The following PTPRD variants were observed in gnomAD, a reference collection of about 807,000 sequenced individuals.
The protein encoded by PTPRD is receptor-type tyrosine-protein phosphatase delta.
A neutral mutation model predicts 214.5 loss-of-function variants in PTPRD; 34 were observed. The ratio of observed to expected loss-of-function variants is 0.16; its 90% CI spans 0.12 to 0.21. The LOEUF is 0.21. Among genes scored for constraint, PTPRD ranks in the 10% least tolerant of loss-of-function variants. PTPRD has a pLI of 1.00. For synonymous variants in PTPRD, 1,128 were observed against 845.7 expected (o/e 1.33, Z -5.79); for missense variants, 2,545 against 2,398.7 (o/e 1.06, Z -1.27).
At chr9:9,556,560 T>C (rs1173911618) in intron 8 of PTPRD, among the ~76,000 whole-genome samples, 3 of 152,226 alleles carry the variant, frequency 2.0e-5, no homozygotes, top group African/African-American at 7.2e-5. Flanking sequence ...CCCCCAATTT[T>C]CTTGCCTGGT....
intron 7 of PTPRD, among the ~76,000 whole-genome samples, chr9:9,656,502 G>C (rs150096486): frequency 6.6e-6 from 1 of 152,002 alleles, no homozygotes; most frequent in Admixed American, 6.6e-5. Flanking sequence ...GAAAGAAGCT[G>C]ATCTTAAAGG....
intron 7 of PTPRD, among the ~76,000 whole-genome samples, chr9:9,594,889 AAAAC>A (rs771701512): frequency 4.5e-4 from 69 of 152,228 alleles, no homozygotes; most frequent in Middle Eastern, 3.4e-3. Context: ...TCAGCAAGAA[AAAAC>A]AAACAAACAA....
chr9:9,655,006 GAT>G (rs1313368217), intron 7 of PTPRD, among the ~76,000 whole-genome samples: 4 of 112,908 alleles, frequency 3.5e-5, no homozygotes, highest in Non-Finnish European at 7.2e-5. Context: ...TATATATATA[GAT>G]ATAGATATAT....
At chr9:10,336,420 G>T (rs2096844822) in intron 3 of PTPRD, among the ~76,000 whole-genome samples, 1 of 151,390 alleles carries the variant, frequency 6.6e-6, no homozygotes, top group South Asian at 2.1e-4. Flanking sequence ...GTTTTTTGTG[G>T]GCCAGAAAAT....
At chr9:8,967,871 T>C (rs956862975) in intron 11 of PTPRD, among the ~76,000 whole-genome samples, 4 of 152,068 alleles carry the variant, frequency 2.6e-5, no homozygotes, top group African/African-American at 4.8e-5. Context: ...TCATTTAGCA[T>C]TAGGTATATC....
chr9:8,698,802 G>A (rs1183878751), intron 12 of PTPRD, among the ~76,000 whole-genome samples: 1 of 152,096 alleles, frequency 6.6e-6, no homozygotes, highest in Non-Finnish European at 1.5e-5. Context: ...TGGGGATAAC[G>A]CATAGCAATC....
At chr9:10,229,146 A>T (rs1226801493) in intron 3 of PTPRD, among the ~76,000 whole-genome samples, 3 of 152,078 alleles carry the variant, frequency 2.0e-5, no homozygotes, top group Admixed American at 1.3e-4. Flanking sequence ...TCAAAACCAC[A>T]ATGAGATACT....
chr9:8,654,247 C>T (rs566036426), intron 12 of PTPRD, among the ~76,000 whole-genome samples: 2 of 152,302 alleles, frequency 1.3e-5, no homozygotes, highest in South Asian at 4.1e-4. Context: ...ACATAGTCAA[C>T]TACCCCCTAC....
intron 5 of PTPRD, among the ~76,000 whole-genome samples, chr9:9,933,135 A>G (rs1391893531): frequency 2.0e-5 from 3 of 152,228 alleles, no homozygotes; most frequent in Admixed American, 6.5e-5. Flanking sequence ...GCCAAAATGT[A>G]AAGACCATCG....
At chr9:9,486,637 T>G (rs1057165344) in intron 8 of PTPRD, among the ~76,000 whole-genome samples, 4 of 152,142 alleles carry the variant, frequency 2.6e-5, no homozygotes, top group African/African-American at 7.2e-5. Flanking sequence ...CAAACCATAT[T>G]CCGTCTACAA....
intron 14 of PTPRD, 134 bp from the exon 15 acceptor site, chr9:8,528,913 T>C (rs2074949088): frequency 5.1e-6 from 4 of 778,418 alleles, no homozygotes; most frequent in Non-Finnish European, 6.1e-6. Flanking sequence ...ACTAATAAAT[T>C]AGAACACAGT....
At chr9:8,977,025 A>G (rs571731496) in intron 11 of PTPRD, among the ~76,000 whole-genome samples, 8 of 152,192 alleles carry the variant, frequency 5.3e-5, no homozygotes, top group African/African-American at 1.2e-4. Context: ...AACTCTTTAA[A>G]TCACTTCCCA....
At chr9:9,886,669 T>C (rs1400161818) in intron 5 of PTPRD, among the ~76,000 whole-genome samples, 1 of 152,190 alleles carries the variant, frequency 6.6e-6, no homozygotes, top group East Asian at 1.9e-4. Context: ...GGGACTTCAT[T>C]GTACTACAAG....
intron 3 of PTPRD, among the ~76,000 whole-genome samples, chr9:10,224,431 C>G: frequency 6.6e-6 from 1 of 151,902 alleles, no homozygotes; most frequent in East Asian, 1.9e-4. Flanking sequence ...CATATGCATA[C>G]ATGTGCCATC....
intron 8 of PTPRD, among the ~76,000 whole-genome samples, chr9:9,433,706 C>T (rs2084099590): frequency 6.6e-6 from 1 of 152,122 alleles, no homozygotes; most frequent in Non-Finnish European, 1.5e-5. Context: ...AAATCATCTT[C>T]TTGATTATTA....
intron 2 of PTPRD, among the ~76,000 whole-genome samples, chr9:10,498,084 G>A (rs1363046420): frequency 6.6e-6 from 1 of 151,940 alleles, no homozygotes; most frequent in African/African-American, 2.4e-5. Context: ...AACCAAATGA[G>A]CTGCAGAGCA....
In PTPRD at chr9:10,305,116, C is replaced by T. The variant is rs552940643; in HGVS notation, c.-545+35847G>A. Among the ~76,000 whole-genome samples the T allele has an allele frequency of 5.9e-5, 9 of 152,210 alleles. No individual in the cohort carries two copies. The East Asian group carries it at 1.7e-3, about 29-fold the overall frequency. Reference sequence around the variant, plus strand: ...AATAACACCACACATCTACAACCATCTGATCTTTGACAAACCTGACAAAAA... The same window carrying T: ...AATAACACCACACATCTACAACCATTTGATCTTTGACAAACCTGACAAAAA... On this transcript the variant is annotated intron_variant, in intron 3 of 45. Coordinates refer to ENST00000381196, the MANE Select transcript of PTPRD (RefSeq NM_002839.4).
chr9:9,126,041 C>T (rs12003631), intron 10 of PTPRD, among the ~76,000 whole-genome samples: 3,187 of 152,184 alleles, frequency 0.021, 121 homozygotes, highest in African/African-American at 0.073. Context: ...CATTGCCAAC[C>T]AGGGAAGAAT....
chr9:10,581,383 T>A (rs2071728322), intron 2 of PTPRD, among the ~76,000 whole-genome samples: 1 of 152,182 alleles, frequency 6.6e-6, no homozygotes, highest in Non-Finnish European at 1.5e-5. Flanking sequence ...GACTGACAAG[T>A]TTATAGACTG....
Sources: allele counts gnomAD v4.1 joint callset (sites outside exome capture counted in the v4.1 genomes callset), GRCh38; gene constraint gnomAD v4.1.1; transcripts MANE v1.5; gene names NCBI Gene and HGNC (gene_info 2026-07-23, HGNC 2026-07-21).